Variants in NMNAT3 observed in about 807,000 individuals in gnomAD.
NMNAT3 encodes the protein nicotinamide/nicotinic acid mononucleotide adenylyltransferase 3.
A neutral mutation model predicts 24.8 loss-of-function variants in NMNAT3; 21 were observed. The ratio of observed to expected loss-of-function variants is 0.85; its 90% CI spans 0.60 to 1.22. NMNAT3 has a LOEUF of 1.22. Ranked by LOEUF, NMNAT3 falls within the 50% of genes most tolerant of loss-of-function variation. NMNAT3 has a pLI of 0.00. For synonymous variants in NMNAT3, 136 were observed against 155.2 expected (o/e 0.88, Z 0.92); for missense variants, 387 against 436.6 (o/e 0.89, Z 1.01).
At chr3:139,601,610 C>G (rs1227696753) in intron 3 of NMNAT3, among the ~76,000 whole-genome samples, 1 of 152,126 alleles carries the variant, frequency 6.6e-6, no homozygotes, top group Non-Finnish European at 1.5e-5. Flanking sequence ...CTTTAGCAGA[C>G]AGTTTAGCAC....
At chr3:139,615,927 C>A in intron 3 of NMNAT3, among the ~76,000 whole-genome samples, 1 of 152,116 alleles carries the variant, frequency 6.6e-6, no homozygotes, top group East Asian at 1.9e-4. Flanking sequence ...GTATGCTCCC[C>A]CAGGGCTGCT....
chr3:139,664,539 A>T (rs1443472208), intron 1 of NMNAT3, among the ~76,000 whole-genome samples: 1 of 152,206 alleles, frequency 6.6e-6, no homozygotes, highest in Non-Finnish European at 1.5e-5. Flanking sequence ...TATCTTCCCT[A>T]CCTTAAAGAA....
At chr3:139,630,543 A>G (rs1036953687) in intron 2 of NMNAT3, among the ~76,000 whole-genome samples, 3 of 152,218 alleles carry the variant, frequency 2.0e-5, no homozygotes, top group African/African-American at 7.2e-5. Context: ...CCCTTTAGGA[A>G]GGGAAGTGGT....
chr3:139,653,272 A>G (rs533274076), intron 1 of NMNAT3, among the ~76,000 whole-genome samples: 114 of 152,274 alleles, frequency 7.5e-4, no homozygotes, highest in African/African-American at 2.6e-3. Context: ...CAAATGCAAA[A>G]TATCTTACAC....
chr3:139,624,680 C>T (rs759254951), intron 3 of NMNAT3, among the ~76,000 whole-genome samples: 1 of 152,158 alleles, frequency 6.6e-6, no homozygotes, highest in African/African-American at 2.4e-5. Flanking sequence ...AACTCCTGAC[C>T]TCAGGTGATC....
chr3:139,633,563 A>T (rs1287129728), intron 2 of NMNAT3, among the ~76,000 whole-genome samples: 5 of 152,186 alleles, frequency 3.3e-5, no homozygotes, highest in African/African-American at 1.2e-4. Flanking sequence ...TAAAACACCC[A>T]TCTTTTTAGC....
At chr3:139,630,701 C>T (rs9819336) in intron 2 of NMNAT3, among the ~76,000 whole-genome samples, 13,669 of 152,130 alleles carry the variant, frequency 0.09, 844 homozygotes, top group Non-Finnish European at 0.14. Flanking sequence ...CTAGGCGGGC[C>T]GTGGTCTCTC....
chr3:139,677,990 GC>G (rs1392974735), upstream of NMNAT3: 1 of 151,940 alleles, frequency 6.6e-6, no homozygotes, highest in Non-Finnish European at 1.5e-5. Flanking sequence ...ACAGATCTGC[GC>G]CCCGCCCCTT....
intron 3 of NMNAT3, chr3:139,584,368 C>A: frequency 6.2e-6 from 1 of 160,102 alleles, no homozygotes. Context: ...GGGAACCCGT[C>A]TAGGCAGCCA....
chr3:139,653,066 G>A (rs144832380), intron 1 of NMNAT3, among the ~76,000 whole-genome samples: 100 of 152,240 alleles, frequency 6.6e-4, no homozygotes, highest in Middle Eastern at 3.4e-3. Flanking sequence ...GATTGGCAGC[G>A]GGGGCAGGGG....
intron 3 of NMNAT3, among the ~76,000 whole-genome samples, chr3:139,595,532 GA>G (rs1449014446): frequency 6.6e-6 from 1 of 152,200 alleles, no homozygotes; most frequent in African/African-American, 2.4e-5. Flanking sequence ...AAGAAATCTG[GA>G]GGCATCATGC....
At chr3:139,651,271 G>T (rs2057046670) in intron 1 of NMNAT3, among the ~76,000 whole-genome samples, 1 of 152,026 alleles carries the variant, frequency 6.6e-6, no homozygotes, top group Non-Finnish European at 1.5e-5. Context: ...CTAAATAATG[G>T]CTTCCATTAT....
intron 6 of NMNAT3, chr3:139,572,352 A>G: frequency 2.5e-6 from 1 of 396,190 alleles, no homozygotes; most frequent in Non-Finnish European, 4.4e-6. Flanking sequence ...ACAGGCAGAC[A>G]GAAAGACCAG....
chr3:139,673,425 C>T (rs1353122039), intron 1 of NMNAT3, among the ~76,000 whole-genome samples: 1 of 152,164 alleles, frequency 6.6e-6, no homozygotes, highest in Non-Finnish European at 1.5e-5. Flanking sequence ...ATGACCTTGG[C>T]AGCATACACC....
intron 3 of NMNAT3, among the ~76,000 whole-genome samples, chr3:139,619,864 G>A (rs2055680037): frequency 6.6e-6 from 1 of 152,074 alleles, no homozygotes; most frequent in South Asian, 2.1e-4. Flanking sequence ...CTAGACTAAG[G>A]GTACAAAATT....
At chr3:139,649,570 TG>T (rs1316291347) in intron 1 of NMNAT3, among the ~76,000 whole-genome samples, 12 of 152,284 alleles carry the variant, frequency 7.9e-5, no homozygotes, top group Admixed American at 2.0e-4. Flanking sequence ...TATATGATGA[TG>T]CTTCCAAAGG....
intron 1 of NMNAT3, among the ~76,000 whole-genome samples, chr3:139,671,049 G>A (rs1331368827): frequency 2.0e-5 from 3 of 152,156 alleles, no homozygotes; most frequent in Admixed American, 1.3e-4. Flanking sequence ...GGCCACAAAG[G>A]TAGTGGCCTA....
intron 1 of NMNAT3, among the ~76,000 whole-genome samples, chr3:139,641,498 A>T (rs1221029312): frequency 1.3e-5 from 2 of 152,164 alleles, no homozygotes; most frequent in Admixed American, 6.5e-5. Context: ...GGGACCAGTC[A>T]TATCCCTGGG....
chr3:139,598,276 C>T (rs2054566508), intron 3 of NMNAT3, among the ~76,000 whole-genome samples: 1 of 152,146 alleles, frequency 6.6e-6, no homozygotes, highest in South Asian at 2.1e-4. Context: ...GAGGTGAAGT[C>T]TGTGTTCCTC....
Sources: allele counts gnomAD v4.1 joint callset (sites outside exome capture counted in the v4.1 genomes callset), GRCh38; gene constraint gnomAD v4.1.1; transcripts MANE v1.5; gene names NCBI Gene and HGNC (gene_info 2026-07-23, HGNC 2026-07-21).